The following GRIN2B variants were observed in gnomAD, a reference collection of about 807,000 sequenced individuals.
The protein encoded by GRIN2B is glutamate ionotropic receptor NMDA type subunit 2B, also known as glutamate receptor ionotropic, NMDA 2B.
Under a neutral mutation model 114.5 loss-of-function variants are expected in GRIN2B, and 5 were observed. That is an observed-to-expected ratio of 0.04 (90% CI 0.02 to 0.09). GRIN2B has a LOEUF of 0.09. Among genes scored for constraint, GRIN2B ranks in the 10% least tolerant of loss-of-function variants. The pLI, the probability that GRIN2B is intolerant of heterozygous loss-of-function variation, is 1.00. For missense variants in GRIN2B, 1,108 were observed against 1,943.5 expected, an observed-to-expected ratio of 0.57 and a Z score of 8.08; for synonymous variants, 787 against 745.1, an observed-to-expected ratio of 1.06 and a Z score of -0.92.
At chr12:13,582,231 A>G (rs1948862670) in intron 10 of GRIN2B, among the ~76,000 whole-genome samples, 1 of 152,304 alleles carries the variant, frequency 6.6e-6, no homozygotes, top group Admixed American at 6.5e-5. Flanking sequence ...TCTGGAATGG[A>G]GGTAAGAGGA....
In GRIN2B at chr12:13,926,462, T is replaced by C. The variant is rs553957561; in HGVS notation, c.-19+53466A>G. Among the ~76,000 whole-genome samples, 16 of 152,292 alleles carry C rather than the reference T, an allele frequency of 1.1e-4. No individual in the cohort carries two copies. In the South Asian group the frequency reaches 3.3e-3, roughly 32 times the overall value. ...CCTGATTGGTTTTATCCTTCTCCAG[T>C]TGACAGCATGTGCTCAGAGACCACC... On this transcript the variant is annotated intron_variant, in intron 2 of 13. Transcript: ENST00000609686.
chr12:13,942,104 A>G (rs930466357), intron 2 of GRIN2B, among the ~76,000 whole-genome samples: 1 of 152,144 alleles, frequency 6.6e-6, no homozygotes, highest in African/African-American at 2.4e-5. Flanking sequence ...CTCCATGACC[A>G]CCACCATGTT....
chr12:13,642,883 T>C (rs1180218954), intron 5 of GRIN2B, among the ~76,000 whole-genome samples: 2 of 152,178 alleles, frequency 1.3e-5, no homozygotes, highest in Non-Finnish European at 2.9e-5. Context: ...GGCTTGGCTT[T>C]GGGTTTTGGG....
At chr12:13,623,292 T>G (rs1033707868) in intron 5 of GRIN2B, among the ~76,000 whole-genome samples, 27 of 152,236 alleles carry the variant, frequency 1.8e-4, no homozygotes, top group Middle Eastern at 3.2e-3. Context: ...AATACATATC[T>G]TGGTATTTCT....
At chr12:13,687,100 A>G (rs904429186) in intron 4 of GRIN2B, among the ~76,000 whole-genome samples, 1 of 152,060 alleles carries the variant, frequency 6.6e-6, no homozygotes, top group African/African-American at 2.4e-5. Context: ...GCAGATGCCC[A>G]ATATTGAACT....
intron 2 of GRIN2B, among the ~76,000 whole-genome samples, chr12:13,896,360 A>G (rs1409542972): frequency 1.3e-5 from 2 of 152,188 alleles, no homozygotes; most frequent in Non-Finnish European, 2.9e-5. Context: ...TTTGGAATAG[A>G]CTCAAGAAGA....
chr12:13,901,663 T>A (rs750596268), intron 2 of GRIN2B, among the ~76,000 whole-genome samples: 22 of 152,100 alleles, frequency 1.4e-4, no homozygotes, highest in Non-Finnish European at 2.8e-4. Flanking sequence ...TATAAATATA[T>A]TTTCCCACTC....
At chr12:13,790,173 G>A (rs942838040) in intron 3 of GRIN2B, among the ~76,000 whole-genome samples, 5 of 152,110 alleles carry the variant, frequency 3.3e-5, no homozygotes, top group Admixed American at 6.5e-5. Context: ...CATCACAGAC[G>A]CAGCCCCTCT....
chr12:13,753,251 C>T lies in GRIN2B; in HGVS notation c.1010+66G>A. The T allele has an allele frequency of 1.0e-6, 1 of 982,628 alleles. No individual in the cohort carries two copies. Among genetic ancestry groups the T allele is most frequent in the Admixed American group, 1.7e-5 (1 of 59,286 alleles). The allele number at this position is 982,628 out of a possible 1,614,324, so 60.9% of individuals were successfully genotyped here. On this transcript the variant is annotated intron_variant, in intron 4 of 13. Transcript: ENST00000609686. This position sits in a 1 kb window ranked among gnomAD's most constrained non-coding sequence, Gnocchi z 6.2. Reference sequence around the variant, plus strand: ...TGTTCTTCCTGCAGTTTCTGAACTTCCAACCCCAGTCTTTGAAGCTCCCCT... The same window carrying T: ...TGTTCTTCCTGCAGTTTCTGAACTTTCAACCCCAGTCTTTGAAGCTCCCCT...
chr12:13,954,101 GCCTTAGTGT>G (rs1252595060), intron 2 of GRIN2B, among the ~76,000 whole-genome samples: 20 of 152,146 alleles, frequency 1.3e-4, no homozygotes, highest in Admixed American at 3.3e-4. Flanking sequence ...TAGCCCATCG[GCCTTAGTGT>G]CCTCAGCCAC....
intron 2 of GRIN2B, among the ~76,000 whole-genome samples, chr12:13,969,482 T>C (rs753715957): frequency 6.6e-6 from 1 of 152,224 alleles, no homozygotes. Flanking sequence ...GTGGTGAGGA[T>C]TGAGTAATGT....
At chr12:13,814,295 A>T (rs1184093218) in intron 3 of GRIN2B, among the ~76,000 whole-genome samples, 1 of 152,236 alleles carries the variant, frequency 6.6e-6, no homozygotes, top group Non-Finnish European at 1.5e-5. Flanking sequence ...GAAGAGAGCG[A>T]AGAGCCAAGC....
chr12:13,959,921 G>A (rs1187525052), intron 2 of GRIN2B, among the ~76,000 whole-genome samples: 1 of 152,092 alleles, frequency 6.6e-6, no homozygotes, highest in Non-Finnish European at 1.5e-5. Context: ...GAAACCAGGT[G>A]AGAAAATGAG....
intron 2 of GRIN2B, among the ~76,000 whole-genome samples, chr12:13,972,541 T>C (rs1402309975): frequency 6.6e-6 from 1 of 152,152 alleles, no homozygotes; most frequent in African/African-American, 2.4e-5. Flanking sequence ...CGGACTCTGA[T>C]GCTATGTAGA....
Position 13,558,557 on chromosome 12 carries a change from T to C in GRIN2B, c.*4226A>G, listed in dbSNP as rs570612374. 27 of 152,210 alleles carry C rather than the reference T, an allele frequency of 1.8e-4. No individual in the cohort carries two copies. Among genetic ancestry groups the C allele is most frequent in the African/African-American group, 6.0e-4 (25 of 41,530 alleles). The allele number at this position is 152,210 out of a possible 1,614,324, so 9.4% of individuals were successfully genotyped here. ...CCAGCACTCTGCAGAGAATTCTCCC[T>C]TGGGCAACTCCTGATGGCCACGGAA... On this transcript the variant is annotated 3_prime_UTR_variant, in exon 14 of 14. Transcript: ENST00000609686.
At chr12:13,581,381 A>G (rs909477277) in intron 10 of GRIN2B, among the ~76,000 whole-genome samples, 2 of 152,114 alleles carry the variant, frequency 1.3e-5, no homozygotes, top group Non-Finnish European at 2.9e-5. Flanking sequence ...GGGTGAAGGG[A>G]TATGTATGTG....
At chr12:13,597,475 T>C (rs1445476933) in intron 10 of GRIN2B, among the ~76,000 whole-genome samples, 1 of 152,198 alleles carries the variant, frequency 6.6e-6, no homozygotes, top group Non-Finnish European at 1.5e-5. Flanking sequence ...GAGAGTGCCT[T>C]GGATTGGCCC....
In GRIN2B at chr12:13,753,722, A is replaced by G; in HGVS notation, c.605T>C (p.Val202Ala). 6.2e-7 allele frequency: 1 copy of G among 1,613,966 alleles called. No individual in the cohort carries two copies. Among genetic ancestry groups the G allele is most frequent in the Non-Finnish European group, 8.5e-7 (1 of 1,179,966 alleles). ...GTCCAGGGACATGTCCAGTAGGAGG[A>G]CCTCCTCTAGCTCCCAGCCCACAAA... is the stretch of plus-strand genomic sequence containing the variant. ...NSFVGWELEE[V>A]LLLDMSLDDG... Residue 202 changes from valine (V) to alanine (A), a missense_variant, in exon 4 of 14, where the codon GTC becomes GCC. Transcript: ENST00000609686. This position sits in a 1 kb window ranked among gnomAD's most constrained non-coding sequence, Gnocchi z 6.2.
chr12:13,952,023 T>C (rs151174153), intron 2 of GRIN2B, among the ~76,000 whole-genome samples: 1 of 152,288 alleles, frequency 6.6e-6, no homozygotes, highest in East Asian at 1.9e-4. Flanking sequence ...TCTGTGTATA[T>C]ATAGCAGTAA....
Sources: gnomAD v4.1 joint callset for allele counts (sites outside exome capture counted in the v4.1 genomes callset) on GRCh38, gnomAD v4.1.1 for gene constraint, Gnocchi (gnomAD v3.1) non-coding constraint, MANE v1.5 for transcripts, NCBI Gene and HGNC (gene_info 2026-07-23, HGNC 2026-07-21) for gene names.